The following EPHA6 variants were observed in gnomAD, a reference collection of about 807,000 sequenced individuals.
The protein encoded by EPHA6 is EPH receptor A6.
A neutral mutation model predicts 112.0 loss-of-function variants in EPHA6; 50 were observed. The ratio of observed to expected loss-of-function variants is 0.45; its 90% CI spans 0.36 to 0.56. EPHA6 has a LOEUF of 0.56. Among genes scored for constraint, EPHA6 ranks in the 20% least tolerant of loss-of-function variants. The probability of loss-of-function intolerance (pLI) is 0.00; values close to 1 mark genes in which losing one functional copy is unlikely to be tolerated. For synonymous variants in EPHA6, 529 were observed against 490.7 expected, an observed-to-expected ratio of 1.08 and a Z score of -1.03; for missense variants, 1,280 against 1,417.4, an observed-to-expected ratio of 0.90 and a Z score of 1.56.
intron 14 of EPHA6, among the ~76,000 whole-genome samples, chr3:97,671,332 T>G (rs2030801644): frequency 6.6e-6 from 1 of 152,110 alleles, no homozygotes; most frequent in Admixed American, 6.6e-5. Flanking sequence ...AGCAAGTTCA[T>G]GAAGGGTGGG....
At chr3:96,946,323 C>CG (rs1324578793) in intron 2 of EPHA6, among the ~76,000 whole-genome samples, 3 of 151,878 alleles carry the variant, frequency 2.0e-5, no homozygotes, top group African/African-American at 7.3e-5. Context: ...TCCCTCCCCC[C>CG]CTTCCCCCAC....
At chr3:97,494,669 A>T (rs533207363) in intron 10 of EPHA6, among the ~76,000 whole-genome samples, 1 of 152,190 alleles carries the variant, frequency 6.6e-6, no homozygotes, top group African/African-American at 2.4e-5. Flanking sequence ...CAGTTCCAAT[A>T]AATCCAGGAT....
chr3:96,976,495 T>TA (rs11301376), intron 2 of EPHA6, among the ~76,000 whole-genome samples: 1 of 152,072 alleles, frequency 6.6e-6, no homozygotes, highest in Admixed American at 6.6e-5. Context: ...TTTATGACGT[T>TA]AAAAAAAGGC....
chr3:97,071,147 A>C (rs1006496761), intron 3 of EPHA6, among the ~76,000 whole-genome samples: 1 of 151,988 alleles, frequency 6.6e-6, no homozygotes, highest in African/African-American at 2.4e-5. Flanking sequence ...AACTTTGGCC[A>C]TTCTTTGCAA....
At chr3:97,085,951 A>ATATATATATG (rs1434635976) in intron 3 of EPHA6, among the ~76,000 whole-genome samples, 5 of 145,884 alleles carry the variant, frequency 3.4e-5, no homozygotes, top group African/African-American at 1.4e-4. Context: ...ATATATATAC[A>ATATATATATG]CACTGAGATG....
At chr3:96,846,413 T>G (rs1171348851) in intron 1 of EPHA6, among the ~76,000 whole-genome samples, 1 of 152,054 alleles carries the variant, frequency 6.6e-6, no homozygotes, top group Non-Finnish European at 1.5e-5. Context: ...GTGAGTCCAG[T>G]GAATATGCTT....
chr3:97,039,370 C>T (rs914461146), intron 3 of EPHA6, among the ~76,000 whole-genome samples: 4 of 151,960 alleles, frequency 2.6e-5, no homozygotes, highest in Admixed American at 1.3e-4. Flanking sequence ...AGTGGTTCAT[C>T]GGAATTTCAA....
At chr3:97,217,733 G>T (rs1234955277) in intron 3 of EPHA6, among the ~76,000 whole-genome samples, 1 of 152,136 alleles carries the variant, frequency 6.6e-6, no homozygotes, top group Non-Finnish European at 1.5e-5. Flanking sequence ...AAAACTGTGA[G>T]AAAATAATAT....
intron 5 of EPHA6, among the ~76,000 whole-genome samples, chr3:97,269,525 T>A (rs1464700841): frequency 6.6e-6 from 1 of 152,206 alleles, no homozygotes; most frequent in African/African-American, 2.4e-5. Context: ...GTGTTTCTGA[T>A]GCTGCTACCC....
chr3:97,586,980 T>C (rs1165967536), intron 11 of EPHA6, among the ~76,000 whole-genome samples: 1 of 152,188 alleles, frequency 6.6e-6, no homozygotes, highest in East Asian at 1.9e-4. Flanking sequence ...TGGTGGCACA[T>C]GCCTGCAATC....
chr3:96,984,197 G>T (rs1441341428), intron 2 of EPHA6, among the ~76,000 whole-genome samples: 1 of 151,956 alleles, frequency 6.6e-6, no homozygotes, highest in Admixed American at 6.6e-5. Context: ...TCTACCTTTG[G>T]TCTTTGATGA....
chr3:97,504,832 CT>C (rs2092205975), intron 10 of EPHA6, among the ~76,000 whole-genome samples: 1 of 152,010 alleles, frequency 6.6e-6, no homozygotes, highest in Non-Finnish European at 1.5e-5. Flanking sequence ...ACTTAACATA[CT>C]TTTATATTCA....
At chr3:96,995,569 T>A (rs531266798) in intron 3 of EPHA6, among the ~76,000 whole-genome samples, 1 of 152,234 alleles carries the variant, frequency 6.6e-6, no homozygotes, top group South Asian at 2.1e-4. Flanking sequence ...ATTACAGGCA[T>A]ACCTCGGACA....
At chr3:96,893,022 A>G (rs1487893771) in intron 2 of EPHA6, among the ~76,000 whole-genome samples, 3 of 151,528 alleles carry the variant, frequency 2.0e-5, no homozygotes, top group Non-Finnish European at 4.4e-5. Flanking sequence ...ATGTGCCACA[A>G]AACCACATAC....
intron 10 of EPHA6, among the ~76,000 whole-genome samples, chr3:97,498,730 A>C (rs2092044953): frequency 6.6e-6 from 1 of 152,000 alleles, no homozygotes; most frequent in African/African-American, 2.4e-5. Flanking sequence ...GTGACATTAG[A>C]CTCTCATAGG....
intron 3 of EPHA6, among the ~76,000 whole-genome samples, chr3:97,223,541 G>A (rs1409295547): frequency 6.6e-6 from 1 of 152,154 alleles, no homozygotes; most frequent in East Asian, 1.9e-4. Context: ...GGTAGGAAAT[G>A]AAAAGCAGAG....
At chr3:97,121,817 G>A (rs1162718168) in intron 3 of EPHA6, among the ~76,000 whole-genome samples, 1 of 152,004 alleles carries the variant, frequency 6.6e-6, no homozygotes, top group Non-Finnish European at 1.5e-5. Context: ...AAAGTGATCT[G>A]CTCCAGTTCT....
At chr3:97,060,342 T>C (rs2045980212) in intron 3 of EPHA6, among the ~76,000 whole-genome samples, 1 of 152,190 alleles carries the variant, frequency 6.6e-6, no homozygotes, top group African/African-American at 2.4e-5. Flanking sequence ...TGAGCTATAA[T>C]TGAAGTAAAC....
intron 2 of EPHA6, among the ~76,000 whole-genome samples, chr3:96,876,360 T>G (rs1382345613): frequency 1.3e-5 from 2 of 151,842 alleles, no homozygotes; most frequent in African/African-American, 4.8e-5. Context: ...GCCTATATCA[T>G]CAGCTTCATC....
Sources: gnomAD v4.1 joint callset for allele counts (sites outside exome capture counted in the v4.1 genomes callset) on GRCh38, gnomAD v4.1.1 for gene constraint, MANE v1.5 for transcripts, NCBI Gene and HGNC (gene_info 2026-07-23, HGNC 2026-07-21) for gene names.